The following TAF1B variants were observed in gnomAD, a reference collection of about 807,000 sequenced individuals.
The protein encoded by TAF1B is TATA box-binding protein-associated factor RNA polymerase I subunit B.
TAF1B carries 61 observed loss-of-function variants against 83.9 expected under a neutral mutation model. The observed-to-expected ratio is 0.73, with a 90% confidence interval of 0.59 to 0.90. The LOEUF (loss-of-function observed/expected upper bound fraction) is 0.90, where lower values mean the gene tolerates loss of function less well. TAF1B is among the 40% of genes least tolerant of loss of function. The pLI, the probability that TAF1B is intolerant of heterozygous loss-of-function variation, is 0.00. For synonymous variants in TAF1B, 221 were observed against 224.6 expected, an observed-to-expected ratio of 0.98 and a Z score of 0.14; for missense variants, 625 against 677.0, an observed-to-expected ratio of 0.92 and a Z score of 0.85.
intron 14 of TAF1B, among the ~76,000 whole-genome samples, chr2:9,926,822 AG>A (rs1172212181): frequency 8.8e-5 from 13 of 148,308 alleles, no homozygotes; most frequent in East Asian, 6.0e-4. Context: ...AAAAAAAAAA[AG>A]AGAGATTGGC....
intron 5 of TAF1B, among the ~76,000 whole-genome samples, chr2:9,866,078 T>A (rs571991562): frequency 1.1e-3 from 165 of 150,596 alleles, no homozygotes; most frequent in African/African-American, 4.0e-3. Context: ...AAGCCAAAAT[T>A]GACAAATGGG....
At chr2:9,847,062 T>C (rs890620514) in intron 2 of TAF1B, among the ~76,000 whole-genome samples, 9 of 152,224 alleles carry the variant, frequency 5.9e-5, no homozygotes, top group Non-Finnish European at 1.3e-4. Flanking sequence ...CATTAACTAA[T>C]TGCTTTTCTA....
Position 9,845,296 on chromosome 2 carries a change from C to T in TAF1B, c.95C>T (p.Thr32Ile), listed in dbSNP as rs369560244. Residue 32 changes from threonine to isoleucine, a missense_variant, in exon 2 of 15, where the codon ACT becomes ATT. Physicochemically the swap from Thr to Ile is moderately conservative, Grantham distance 89 (BLOSUM62 -1). Coordinates refer to ENST00000263663, the MANE Select transcript of TAF1B (RefSeq NM_005680.3). Reference protein sequence around the residue: ...GLTDEGKYYCTSCHNVTERYQ... With the variant: ...GLTDEGKYYCISCHNVTERYQ... ...ACTGATGAAGGCAAATATTATTGCA[C>T]TTCTTGCCACAATGTTACAGAGGTA... is the stretch of plus-strand genomic sequence containing the variant. 6.2e-6 allele frequency: 10 copies of T among 1,613,600 alleles called. No homozygotes were observed. The highest frequency in any genetic ancestry group is 1.7e-4 in the Middle Eastern group (1 of 6,060).
At chr2:9,886,638 T>C (rs1052621827) in intron 8 of TAF1B, among the ~76,000 whole-genome samples, 1 of 152,142 alleles carries the variant, frequency 6.6e-6, no homozygotes, top group African/African-American at 2.4e-5. Flanking sequence ...CAAATAGTAA[T>C]AGATCCCATT....
chr2:9,911,685 A>G (rs1461728867), intron 11 of TAF1B, 128 bp downstream of exon 11: 4 of 540,842 alleles, frequency 7.4e-6, no homozygotes, highest in South Asian at 3.6e-5. Flanking sequence ...CAAATTGTAT[A>G]TTGTACCAGT....
chr2:9,843,606 G>A (rs1663092589), intron 1 of TAF1B, 47 bp downstream of exon 1: 4 of 1,473,074 alleles, frequency 2.7e-6, no homozygotes, highest in Non-Finnish European at 3.6e-6. Flanking sequence ...GGGGCCGGAG[G>A]AGAGAGAAGC....
intron 14 of TAF1B, among the ~76,000 whole-genome samples, chr2:9,924,950 A>G (rs945849820): frequency 2.0e-5 from 3 of 152,138 alleles, no homozygotes; most frequent in South Asian, 4.1e-4. Flanking sequence ...TCCAATTGTT[A>G]TAACAGTTGG....
rs538258787 is a variant in TAF1B, at chr2:9,865,094, A to G, written c.400-3182A>G. Among the ~76,000 whole-genome samples, 194 of 152,314 alleles carry G rather than the reference A, an allele frequency of 1.3e-3. 1 individual carries two copies. The highest frequency in any genetic ancestry group is 4.5e-3 in the African/African-American group (187 of 41,558). On this transcript the variant is annotated intron_variant, in intron 5 of 14. Coordinates refer to ENST00000263663, the MANE Select transcript of TAF1B (RefSeq NM_005680.3). ...AGTGTTGGAAGTTCTGGCCAGGGCA[A>G]TCAGGCAGGAGAAGGAAATAAAGGG...
At chr2:9,853,208 T>G (rs1663455766) in intron 4 of TAF1B, among the ~76,000 whole-genome samples, 1 of 152,066 alleles carries the variant, frequency 6.6e-6, no homozygotes, top group East Asian at 1.9e-4. Context: ...AAACAATTTT[T>G]CTGAAATTAG....
At chr2:9,847,913 A>G (rs1383372259) in intron 2 of TAF1B, among the ~76,000 whole-genome samples, 1 of 152,246 alleles carries the variant, frequency 6.6e-6, no homozygotes, top group East Asian at 1.9e-4. Flanking sequence ...CTTCTGCCGT[A>G]ACAACTTGGA....
chr2:9,843,497 A>G lies in TAF1B; in HGVS notation c.-45A>G. The G allele has an allele frequency of 1.3e-6, 2 of 1,518,630 alleles. No homozygotes were observed. Among genetic ancestry groups the G allele is most frequent in the Non-Finnish European group, 1.8e-6 (2 of 1,128,516 alleles). 94.1% of individuals were successfully genotyped at this position (1,518,630 alleles called of 1,614,324 possible). A position where few individuals can be genotyped will look rare whatever the true frequency, so the allele number is the denominator to read the frequency against. On this transcript the variant is annotated 5_prime_UTR_variant, in exon 1 of 15. Transcript: ENST00000263663. Reference sequence around the variant, plus strand: ...GCCTTTCCCGGAAGCTGCGCTCGCTACCCGGGTAACGGGTCCCGGCTGTGG... The same window carrying G: ...GCCTTTCCCGGAAGCTGCGCTCGCTGCCCGGGTAACGGGTCCCGGCTGTGG...
chr2:9,928,591 A>G (rs1323653532), intron 14 of TAF1B, among the ~76,000 whole-genome samples: 1 of 152,082 alleles, frequency 6.6e-6, no homozygotes, highest in Non-Finnish European at 1.5e-5. Context: ...TGTAAGTTGG[A>G]TTCCTAGGTA....
chr2:9,864,576 C>G (rs1663898417), intron 5 of TAF1B, among the ~76,000 whole-genome samples: 1 of 152,202 alleles, frequency 6.6e-6, no homozygotes, highest in African/African-American at 2.4e-5. Flanking sequence ...GGAATCCTCC[C>G]TAGCTCATTT....
chr2:9,910,235 G>A (rs570983558), intron 9 of TAF1B, among the ~76,000 whole-genome samples: 1 of 152,324 alleles, frequency 6.6e-6, no homozygotes, highest in East Asian at 1.9e-4. Context: ...AGGTTTTCTG[G>A]TTCCAAGTCC....
At chr2:9,913,969 AATT>A (rs1665608269) in intron 12 of TAF1B, among the ~76,000 whole-genome samples, 1 of 152,232 alleles carries the variant, frequency 6.6e-6, no homozygotes, top group South Asian at 2.1e-4. Flanking sequence ...TCGACTCAGT[AATT>A]TTATATCCTT....
At chr2:9,845,078 ATCTC>A (rs1304868007) in intron 1 of TAF1B, 138 bp from the exon 2 acceptor site, 1 of 499,650 alleles carries the variant, frequency 2.0e-6, no homozygotes, top group Non-Finnish European at 3.5e-6. Flanking sequence ...TTTGCGGATA[ATCTC>A]TCTGACATAT....
intron 14 of TAF1B, among the ~76,000 whole-genome samples, chr2:9,922,330 C>T (rs1665902135): frequency 6.6e-6 from 1 of 152,160 alleles, no homozygotes; most frequent in African/African-American, 2.4e-5. Context: ...CCTCTGCTGT[C>T]CTCTGACCTC....
chr2:9,911,367 CCT>C (rs1340971993), intron 10 of TAF1B, 142 bp from the exon 11 acceptor site: 1 of 598,432 alleles, frequency 1.7e-6, no homozygotes, highest in Non-Finnish European at 2.8e-6. Context: ...AGTGTCTCCT[CCT>C]CTGTTTCAGT....
At chr2:9,853,736 C>G (rs1572214721) in intron 4 of TAF1B, among the ~76,000 whole-genome samples, 1 of 152,120 alleles carries the variant, frequency 6.6e-6, no homozygotes, top group Non-Finnish European at 1.5e-5. Context: ...CTGGGGATTA[C>G]AGTAGTGAGC....
Sources: allele counts gnomAD v4.1 joint callset (sites outside exome capture counted in the v4.1 genomes callset), GRCh38; gene constraint gnomAD v4.1.1; transcripts MANE v1.5; gene names NCBI Gene and HGNC (gene_info 2026-07-23, HGNC 2026-07-21).